The following SORCS3 variants were observed in gnomAD, a reference collection of about 807,000 sequenced individuals.
SORCS3 encodes the protein VPS10 domain-containing receptor SorCS3.
Under a neutral mutation model 146.3 loss-of-function variants are expected in SORCS3, and 57 were observed. The observed-to-expected ratio is 0.39, with a 90% CI of 0.31 to 0.49. The LOEUF is 0.49. Ranked by LOEUF, SORCS3 falls within the 20% of genes least tolerant of loss-of-function variation. The pLI is 0.92. For missense variants in SORCS3, 1,341 were observed against 1,575.5 expected, an observed-to-expected ratio of 0.85 and a Z score of 2.52; for synonymous variants, 653 against 618.5, an observed-to-expected ratio of 1.06 and a Z score of -0.83.
chr10:104,990,549 C>T (rs2054987293), intron 4 of SORCS3, among the ~76,000 whole-genome samples: 1 of 152,082 alleles, frequency 6.6e-6, no homozygotes, highest in African/African-American at 2.4e-5. Context: ...TACCCTTTGA[C>T]ATTTCTATGT....
In SORCS3 at chr10:104,899,945, C is replaced by G. The variant is rs529533409; in HGVS notation, c.696-15888C>G. 3.1e-4 allele frequency among the ~76,000 whole-genome samples: 47 copies of G among 152,156 alleles called. No homozygotes were observed. The East Asian group carries it at 4.8e-3, about 16-fold the overall frequency. Reference sequence around the variant, plus strand: ...CTGATATGGGGCACAAAAGCCCAGCCCTCTTGCCTTACAGTGGGACATGTA... The same window carrying G: ...CTGATATGGGGCACAAAAGCCCAGCGCTCTTGCCTTACAGTGGGACATGTA... On this transcript the variant is annotated intron_variant, in intron 2 of 26. Coordinates refer to ENST00000369701, the MANE Select transcript of SORCS3 (RefSeq NM_014978.3).
intron 14 of SORCS3, among the ~76,000 whole-genome samples, chr10:105,179,759 T>C (rs2056431714): frequency 1.3e-5 from 2 of 152,222 alleles, no homozygotes; most frequent in African/African-American, 4.8e-5. Context: ...ACTGGCCTAC[T>C]AGGGTTGCCC....
chr10:104,660,178 G>T (rs926136224), intron 1 of SORCS3, among the ~76,000 whole-genome samples: 5 of 152,174 alleles, frequency 3.3e-5, no homozygotes, highest in African/African-American at 7.2e-5. Context: ...ACAAATCAAA[G>T]CTCCTGCATC....
chr10:105,016,153 ATATT>A (rs1421910241), intron 4 of SORCS3, among the ~76,000 whole-genome samples: 7 of 101,438 alleles, frequency 6.9e-5, no homozygotes, highest in African/African-American at 2.1e-4. Flanking sequence ...ATATATATAT[ATATT>A]TTTTTTTTTT....
At chr10:105,177,786 T>C (rs1320517330) in intron 13 of SORCS3, among the ~76,000 whole-genome samples, 2 of 152,148 alleles carry the variant, frequency 1.3e-5, no homozygotes, top group African/African-American at 4.8e-5. Context: ...ACTTGAAACG[T>C]GACATTCCAT....
chr10:105,072,222 GCT>G (rs1285223973), intron 5 of SORCS3, among the ~76,000 whole-genome samples: 3 of 152,126 alleles, frequency 2.0e-5, no homozygotes, highest in Non-Finnish European at 1.5e-5. Flanking sequence ...CTAATTAGAA[GCT>G]AAGGAGTTAG....
At chr10:104,934,368 G>A (rs35347290) in intron 3 of SORCS3, among the ~76,000 whole-genome samples, 3,044 of 152,246 alleles carry the variant, frequency 0.02, 105 homozygotes, top group African/African-American at 0.068. Context: ...TTTGAACTTA[G>A]TATCTGGGCT....
At chr10:104,706,407 C>T (rs1188471244) in intron 1 of SORCS3, among the ~76,000 whole-genome samples, 1 of 151,872 alleles carries the variant, frequency 6.6e-6, no homozygotes. Flanking sequence ...CAGGCTTTCA[C>T]CATGTTGGCC....
At position 104,770,568 on chromosome 10, in the gene SORCS3, C is replaced by A. The variant is rs575794435; in HGVS notation, c.628-72224C>A. On this transcript the variant is annotated intron_variant, in intron 1 of 26. Transcript: ENST00000369701. ...GGCATAGGGGTTCACACCTGGAATCCCAGCACTTTGGGAGGCCATAGTGGG... is the reference window on the plus strand; with the variant it reads ...GGCATAGGGGTTCACACCTGGAATCACAGCACTTTGGGAGGCCATAGTGGG... 2.0e-5 allele frequency among the ~76,000 whole-genome samples: 3 copies of A among 152,002 alleles called. No individual in the cohort carries two copies. In the South Asian group the frequency reaches 6.2e-4, roughly 32 times the overall value.
intron 1 of SORCS3, among the ~76,000 whole-genome samples, chr10:104,683,922 C>A (rs1462781526): frequency 6.6e-6 from 1 of 152,182 alleles, no homozygotes; most frequent in Non-Finnish European, 1.5e-5. Context: ...TGAGTTATAA[C>A]CATCTCAGAG....
rs750099595 is a variant in SORCS3, at chr10:105,256,842, G to A, written c.3361G>A (p.Gly1121Arg). Residue 1121 changes from glycine to arginine, a missense_variant, in exon 25 of 27, where the codon GGG becomes AGG. By Grantham distance (125) the Gly-to-Arg change is moderately radical. Transcript: ENST00000369701. ...AGCTCCATTGGTGGACTCCAGTGCT[G>A]GGCACAGCAGCTCAGCCATGCTTAT... ...TLAPLVDSSA[G>R]HSSSAMLMLL... 1 of 1,614,088 alleles carries A rather than the reference G, an allele frequency of 6.2e-7. No homozygotes were observed. Among genetic ancestry groups the A allele is most frequent in the South Asian group, 1.1e-5 (1 of 91,070 alleles).
At chr10:105,050,271 T>C (rs2055401746) in intron 5 of SORCS3, among the ~76,000 whole-genome samples, 2 of 152,126 alleles carry the variant, frequency 1.3e-5, no homozygotes, top group Admixed American at 1.3e-4. Context: ...TAGACTGGAT[T>C]AGTGGCTTGC....
intron 3 of SORCS3, among the ~76,000 whole-genome samples, chr10:104,946,708 C>G (rs914143764): frequency 4.6e-5 from 7 of 152,188 alleles, no homozygotes; most frequent in Non-Finnish European, 1.5e-5. Flanking sequence ...CTCTCCCCAC[C>G]TCCCTGTGGG....
At chr10:104,910,531 G>A (rs942494954) in intron 2 of SORCS3, among the ~76,000 whole-genome samples, 3 of 152,088 alleles carry the variant, frequency 2.0e-5, no homozygotes, top group Non-Finnish European at 4.4e-5. Context: ...TATGTAACAC[G>A]GATACATCTC....
At chr10:105,195,034 T>C (rs2056536435) in intron 14 of SORCS3, among the ~76,000 whole-genome samples, 2 of 152,308 alleles carry the variant, frequency 1.3e-5, no homozygotes, top group Non-Finnish European at 1.5e-5. Context: ...GCCAGAGGAA[T>C]CACAGAGGAC....
intron 1 of SORCS3, chr10:104,665,953 T>C (rs764588486): frequency 6.6e-6 from 1 of 152,228 alleles, no homozygotes; most frequent in East Asian, 1.9e-4. Flanking sequence ...ATGTAGACAC[T>C]GTCTGCTTGG....
chr10:105,189,372 G>C (rs2056499156), intron 14 of SORCS3, among the ~76,000 whole-genome samples: 1 of 152,152 alleles, frequency 6.6e-6, no homozygotes, highest in South Asian at 2.1e-4. Context: ...GGCTGTGCAG[G>C]GGAATGCCAC....
At chr10:105,187,406 T>A (rs1268562248) in intron 14 of SORCS3, among the ~76,000 whole-genome samples, 1 of 152,126 alleles carries the variant, frequency 6.6e-6, no homozygotes, top group African/African-American at 2.4e-5. Flanking sequence ...GCCACTGACC[T>A]CCTTTACCAC....
intron 2 of SORCS3, among the ~76,000 whole-genome samples, chr10:104,854,241 G>A (rs1037220385): frequency 1.3e-5 from 2 of 152,034 alleles, no homozygotes; most frequent in African/African-American, 4.8e-5. Context: ...TTTATTTCTT[G>A]TAATGCCTCC....
Sources: allele counts gnomAD v4.1 joint callset (sites outside exome capture counted in the v4.1 genomes callset), GRCh38; gene constraint gnomAD v4.1.1; transcripts MANE v1.5; gene names NCBI Gene and HGNC (gene_info 2026-07-23, HGNC 2026-07-21).